Variants in CFAP77 observed in about 807,000 individuals in gnomAD.
The protein encoded by CFAP77 is cilia- and flagella-associated protein 77.
In CFAP77, 25 loss-of-function variants were observed where a neutral mutation model predicts 31.1. That is an observed-to-expected ratio of 0.80 (90% CI 0.59 to 1.12). The LOEUF (loss-of-function observed/expected upper bound fraction) is 1.12, where lower values mean the gene tolerates loss of function less well. Ranked by LOEUF, CFAP77 falls within the 50% of genes most tolerant of loss-of-function variation. CFAP77 has a pLI of 0.00. For synonymous variants in CFAP77, 151 were observed against 159.9 expected, an observed-to-expected ratio of 0.94 and a Z score of 0.42; for missense variants, 377 against 397.3, an observed-to-expected ratio of 0.95 and a Z score of 0.44.
In CFAP77 at chr9:132,486,088, ATATTTTTTTTTTTTTTT is replaced by A. The variant is rs1851550339; in HGVS notation, c.196-12605_196-12589del. 7.0e-5 allele frequency among the ~76,000 whole-genome samples: 2 copies of A among 28,534 alleles called. 1 individual carries two copies. Among genetic ancestry groups the A allele is most frequent in the Non-Finnish European group, 9.7e-5 (2 of 20,684 alleles). The allele number at this position is 28,534 out of a possible 152,430, so 18.7% of individuals were successfully genotyped here. A position where few individuals can be genotyped will look rare whatever the true frequency, so the allele number is the denominator to read the frequency against. Reference sequence around the variant, plus strand: ...TGTGTATATATATATATATATATATATATTTTTTTTTTTTTTTTTTTTGAGACGGAGTCTTGTTCTGT... The same window carrying A: ...TGTGTATATATATATATATATATATATTTTTGAGACGGAGTCTTGTTCTGT... On this transcript the variant is annotated intron_variant, in intron 1 of 5. Coordinates refer to ENST00000393216, the MANE Select transcript of CFAP77 (RefSeq NM_001282957.2).
rs555321641 is a variant in CFAP77 at position 132,548,721 on chromosome 9, C to T, written c.732+5674C>T. Among the ~76,000 whole-genome samples, 6 of 106,094 alleles carry T rather than the reference C, an allele frequency of 5.7e-5. No homozygotes were observed. The East Asian group carries it at 1.6e-3, about 28-fold the overall frequency. The allele number at this position is 106,094 out of a possible 152,430, so 69.6% of individuals were successfully genotyped here. On this transcript the variant is annotated intron_variant, in intron 5 of 5. Coordinates refer to ENST00000393216, the MANE Select transcript of CFAP77 (RefSeq NM_001282957.2). ...TCCCCTCCCGCCCCCACCCTCGGAA[C>T]ATCCGCCCCTCCCCCCACAGTCCTT...
At chr9:132,446,108 G>A (rs189834184) in intron 1 of CFAP77, among the ~76,000 whole-genome samples, 274 of 152,210 alleles carry the variant, frequency 1.8e-3, no homozygotes, top group Non-Finnish European at 2.9e-3. Context: ...TACAAATGAT[G>A]CTGGTGGGGA....
At chr9:132,531,828 G>A (rs575537759) in intron 3 of CFAP77, among the ~76,000 whole-genome samples, 45 of 152,232 alleles carry the variant, frequency 3.0e-4, no homozygotes, top group African/African-American at 1.1e-3. Context: ...TTACTCTCAT[G>A]CCCCAAGCCC....
chr9:132,490,560 G>A lies in CFAP77; in HGVS notation c.196-8135G>A, dbSNP rs1851636622. On this transcript the variant is annotated intron_variant, in intron 1 of 5. Transcript: ENST00000393216. The surrounding 1 kb of genome is among the most constrained non-coding windows in gnomAD (Gnocchi z 4.6). ...TAGAAGGCCCCACTGGACAAGCTGGGGAGGGAGGCCAAGGGTCAGCGCTGG... is the reference window on the plus strand; with the variant it reads ...TAGAAGGCCCCACTGGACAAGCTGGAGAGGGAGGCCAAGGGTCAGCGCTGG... 6.6e-6 allele frequency among the ~76,000 whole-genome samples: 1 copy of A among 152,106 alleles called. No homozygotes were observed. Among genetic ancestry groups the A allele is most frequent in the South Asian group, 2.1e-4 (1 of 4,828 alleles).
At chr9:132,433,691 G>T (rs1203166478) in intron 1 of CFAP77, among the ~76,000 whole-genome samples, 1 of 151,980 alleles carries the variant, frequency 6.6e-6, no homozygotes, top group Non-Finnish European at 1.5e-5. Flanking sequence ...GGGATTACAG[G>T]TGTGAGCCAC....
chr9:132,498,911 C>T lies in CFAP77; in HGVS notation c.295+117C>T. The T allele has an allele frequency of 1.4e-6, 1 of 715,256 alleles. No individual in the cohort carries two copies. The highest frequency in any genetic ancestry group is 2.3e-6 in the Non-Finnish European group (1 of 428,304). 44.3% of individuals were successfully genotyped at this position (715,256 alleles called of 1,614,324 possible). A position where few individuals can be genotyped will look rare whatever the true frequency, so the allele number is the denominator to read the frequency against. On this transcript the variant is annotated intron_variant, in intron 2 of 5. Coordinates refer to ENST00000393216, the MANE Select transcript of CFAP77 (RefSeq NM_001282957.2). The surrounding 1 kb of genome is among the most constrained non-coding windows in gnomAD (Gnocchi z 4.2). ...AGCTGGTTGGGTGCTGGAGAAAGAC[C>T]CAGGGACCGCCAGCCTGGGCAGCTG...
At chr9:132,570,230 T>C (rs968451667) in intron 5 of CFAP77, among the ~76,000 whole-genome samples, 4 of 152,192 alleles carry the variant, frequency 2.6e-5, no homozygotes, top group Non-Finnish European at 5.9e-5. Flanking sequence ...TTCCGAAACA[T>C]TGAGATTGAG....
chr9:132,440,269 C>T (rs1375046979), intron 1 of CFAP77, among the ~76,000 whole-genome samples: 1 of 151,782 alleles, frequency 6.6e-6, no homozygotes, highest in Non-Finnish European at 1.5e-5. Flanking sequence ...CCCAGGAGGA[C>T]GCGGCTACAG....
chr9:132,558,457 C>CT (rs1208865374), intron 5 of CFAP77, among the ~76,000 whole-genome samples: 2 of 152,206 alleles, frequency 1.3e-5, no homozygotes, highest in Non-Finnish European at 2.9e-5. Flanking sequence ...GTAATCCCAG[C>CT]ACTTTGGGAG....
chr9:132,516,908 T>G (rs1852157499), intron 3 of CFAP77, among the ~76,000 whole-genome samples: 2 of 152,162 alleles, frequency 1.3e-5, no homozygotes. Context: ...ACAAGCAAAG[T>G]GCTCAGTAAA....
chr9:132,498,409 G>T lies in CFAP77; in HGVS notation c.196-286G>T, dbSNP rs1350895089. 1.3e-5 allele frequency among the ~76,000 whole-genome samples: 2 copies of T among 152,138 alleles called. No homozygotes were observed. Among genetic ancestry groups the T allele is most frequent in the Non-Finnish European group, 2.9e-5 (2 of 68,020 alleles). On this transcript the variant is annotated intron_variant, in intron 1 of 5. Coordinates refer to ENST00000393216, the MANE Select transcript of CFAP77 (RefSeq NM_001282957.2). The surrounding 1 kb of genome is among the most constrained non-coding windows in gnomAD (Gnocchi z 4.2). The stretch of plus-strand genomic sequence containing the variant: ...CACAGCGGCTCAGCTCGGGGACTGT[G>T]CTCCCCACTCCAACAATACACATGT...
chr9:132,566,333 T>C (rs1024723571), intron 5 of CFAP77, among the ~76,000 whole-genome samples: 1 of 152,172 alleles, frequency 6.6e-6, no homozygotes, highest in Admixed American at 6.5e-5. Context: ...ATGAAGCAAA[T>C]GACTTAACCT....
Position 132,554,112 on chromosome 9 carries a change from C to T in CFAP77, c.732+11065C>T, listed in dbSNP as rs143126469. On this transcript the variant is annotated intron_variant, in intron 5 of 5. Coordinates refer to ENST00000393216, the MANE Select transcript of CFAP77 (RefSeq NM_001282957.2). This position sits in a 1 kb window ranked among gnomAD's most constrained non-coding sequence, Gnocchi z 4.1. Reference sequence around the variant, plus strand: ...GGCCCCTGGTCACACAGCTGGAAAGCGATAGGACCAGGATTGGAACTGAGC... The same window carrying T: ...GGCCCCTGGTCACACAGCTGGAAAGTGATAGGACCAGGATTGGAACTGAGC... 7.6e-4 allele frequency among the ~76,000 whole-genome samples: 116 copies of T among 152,270 alleles called. No homozygotes were observed. The highest frequency in any genetic ancestry group is 2.6e-3 in the African/African-American group (106 of 41,548).
intron 1 of CFAP77, among the ~76,000 whole-genome samples, chr9:132,451,699 C>T (rs911526568): frequency 3.3e-5 from 5 of 152,076 alleles, no homozygotes; most frequent in South Asian, 2.1e-4. Context: ...GTTTGCTACC[C>T]GAGCCAATCC....
At chr9:132,435,339 A>G (rs1334065357) in intron 1 of CFAP77, among the ~76,000 whole-genome samples, 1 of 152,206 alleles carries the variant, frequency 6.6e-6, no homozygotes, top group Non-Finnish European at 1.5e-5. Flanking sequence ...TAAGAGAGAG[A>G]AAAAGAGAGA....
chr9:132,536,434 C>A (rs139593219), intron 3 of CFAP77, among the ~76,000 whole-genome samples: 1 of 138,744 alleles, frequency 7.2e-6, no homozygotes, highest in South Asian at 2.3e-4. Flanking sequence ...TGCTATGTTG[C>A]CCAGGCTGGA....
At chr9:132,530,350 A>G (rs998987572) in intron 3 of CFAP77, among the ~76,000 whole-genome samples, 1 of 150,052 alleles carries the variant, frequency 6.7e-6, no homozygotes, top group Admixed American at 6.7e-5. Flanking sequence ...ATCTCGGCTC[A>G]CTGCAACTTC....
At position 132,480,506 on chromosome 9, in the gene CFAP77, T is replaced by C. The variant is rs112954801; in HGVS notation, c.196-18189T>C. Among the ~76,000 whole-genome samples, 1 of 152,174 alleles carries C rather than the reference T, an allele frequency of 6.6e-6. No homozygotes were observed. Among genetic ancestry groups the C allele is most frequent in the African/African-American group, 2.4e-5 (1 of 41,444 alleles). The stretch of plus-strand genomic sequence containing the variant: ...CATCCCAGAGCATGTGCTGAAGACC[T>C]ACTGTGTGCCGGGCACCGGAGACGC... On this transcript the variant is annotated intron_variant, in intron 1 of 5. Transcript: ENST00000393216. The surrounding 1 kb of genome is among the most constrained non-coding windows in gnomAD (Gnocchi z 5.8).
At chr9:132,414,306 C>T (rs1850059749) in intron 1 of CFAP77, among the ~76,000 whole-genome samples, 1 of 152,158 alleles carries the variant, frequency 6.6e-6, no homozygotes, top group Non-Finnish European at 1.5e-5. Context: ...CCTGAGCTTT[C>T]CTGGGGGCAT....
Sources: gnomAD v4.1 joint callset for allele counts (sites outside exome capture counted in the v4.1 genomes callset) on GRCh38, gnomAD v4.1.1 for gene constraint, Gnocchi (gnomAD v3.1) non-coding constraint, MANE v1.5 for transcripts, NCBI Gene and HGNC (gene_info 2026-07-23, HGNC 2026-07-21) for gene names.